ROCK1: variants seen among roughly 807,000 people sequenced by gnomAD.
ROCK1 encodes the protein Rho associated coiled-coil containing protein kinase 1.
In ROCK1, 36 loss-of-function variants were observed where a neutral mutation model predicts 196.8. The observed-to-expected ratio is 0.18, with a 90% CI of 0.14 to 0.24. ROCK1 has a LOEUF of 0.24. Ranked by LOEUF, ROCK1 falls within the 10% of genes least tolerant of loss-of-function variation. ROCK1 has a pLI of 1.00. For synonymous variants in ROCK1, 443 were observed against 515.9 expected, an observed-to-expected ratio of 0.86 and a Z score of 1.91; for missense variants, 920 against 1,562.0, an observed-to-expected ratio of 0.59 and a Z score of 6.93.
intron 13 of ROCK1, among the ~76,000 whole-genome samples, chr18:21,014,252 G>A (rs778664218): frequency 3.3e-5 from 5 of 152,028 alleles, no homozygotes; most frequent in South Asian, 2.1e-4. Context: ...TGGCTTCTCC[G>A]GCACCCCGTC....
At chr18:21,085,923 T>C (rs2036522748) in intron 1 of ROCK1, among the ~76,000 whole-genome samples, 1 of 152,178 alleles carries the variant, frequency 6.6e-6, no homozygotes, top group South Asian at 2.1e-4. Flanking sequence ...CTTAAAGTTT[T>C]ATAGGTATGG....
At chr18:20,969,863 C>A (rs570696977) in intron 23 of ROCK1, 2 of 152,126 alleles carry the variant, frequency 1.3e-5, no homozygotes, top group East Asian at 3.9e-4. Context: ...TCTTTTTAGT[C>A]GCATGATTCT....
intron 2 of ROCK1, among the ~76,000 whole-genome samples, chr18:21,068,946 G>A (rs764336273): frequency 5.3e-5 from 8 of 151,884 alleles, no homozygotes; most frequent in Non-Finnish European, 1.2e-4. Context: ...CAATCTGTAC[G>A]GCTTTTCTTT....
rs188053260 is a variant in ROCK1 at position 21,006,468 on chromosome 18, G to T, written c.1768C>A (p.Arg590=). The T allele has an allele frequency of 1.6e-5, 26 of 1,613,604 alleles. No homozygotes were observed. In the East Asian group the frequency reaches 2.9e-4, roughly 18 times the overall value. Residue 590 remains arginine (R), a synonymous_variant, in exon 16 of 33, where the codon CGA becomes AGA. Transcript: ENST00000399799. The part of the protein sequence containing the change: ...SLNRELQERN[R]ILENSKSQTD... ...TGTGACTTAGAATTCTCTAAAATTCGATTTCTCTCTTGCAACTCTCTGTTC... is the reference window on the plus strand; with the variant it reads ...TGTGACTTAGAATTCTCTAAAATTCTATTTCTCTCTTGCAACTCTCTGTTC...
At chr18:20,966,517 A>G (rs1598510689) in intron 27 of ROCK1, among the ~76,000 whole-genome samples, 1 of 152,328 alleles carries the variant, frequency 6.6e-6, no homozygotes, top group Non-Finnish European at 1.5e-5. Context: ...TTCTGATGAT[A>G]AAGTACAGTT....
At chr18:20,983,446 G>C (rs1163193298) in intron 20 of ROCK1, among the ~76,000 whole-genome samples, 2 of 151,910 alleles carry the variant, frequency 1.3e-5, no homozygotes, top group Non-Finnish European at 2.9e-5. Context: ...CATAGGAGCA[G>C]AGTCCAAAAG....
intron 9 of ROCK1, among the ~76,000 whole-genome samples, chr18:21,032,748 C>T (rs1598536205): frequency 6.6e-6 from 1 of 150,944 alleles, no homozygotes; most frequent in East Asian, 2.0e-4. Flanking sequence ...TCTCGAACTC[C>T]TGGCCTCAAG....
At chr18:20,985,951 G>A (rs978937637) in intron 19 of ROCK1, among the ~76,000 whole-genome samples, 1 of 152,082 alleles carries the variant, frequency 6.6e-6, no homozygotes, top group South Asian at 2.1e-4. Flanking sequence ...TCGACCTCCT[G>A]AGGTGCAAGG....
In ROCK1 at chr18:21,047,239, T is replaced by C. The variant is rs409223; in HGVS notation, c.415-1772A>G. Among the ~76,000 whole-genome samples, 1,135 of 152,270 alleles carry C rather than the reference T, an allele frequency of 7.5e-3. 18 individuals are homozygous for C. The highest frequency in any genetic ancestry group is 0.025 in the African/African-American group (1,056 of 41,538). ...TTCACTAACAGACACTGAACGTTCA[T>C]GTATCAGTGGTTGTTAACTAGTGGT... On this transcript the variant is annotated intron_variant, in intron 4 of 32. Coordinates refer to ENST00000399799, the MANE Select transcript of ROCK1 (RefSeq NM_005406.3).
At chr18:21,090,506 T>A (rs770383731) in intron 1 of ROCK1, among the ~76,000 whole-genome samples, 12 of 152,206 alleles carry the variant, frequency 7.9e-5, no homozygotes, top group Non-Finnish European at 1.5e-4. Context: ...CAACACATTA[T>A]TGGCTTTTGG....
At chr18:21,062,876 T>C (rs2036303467) in intron 2 of ROCK1, among the ~76,000 whole-genome samples, 2 of 152,126 alleles carry the variant, frequency 1.3e-5, no homozygotes, top group African/African-American at 4.8e-5. Flanking sequence ...ACTGAGCTCA[T>C]ATATAACAAG....
chr18:21,095,590 T>C (rs530001540), intron 1 of ROCK1, among the ~76,000 whole-genome samples: 66 of 152,194 alleles, frequency 4.3e-4, no homozygotes, highest in Non-Finnish European at 7.8e-4. Flanking sequence ...TTAAGTGAAA[T>C]AAGCCAGACA....
chr18:21,025,679 T>G (rs1426066028), intron 10 of ROCK1, among the ~76,000 whole-genome samples: 4 of 152,178 alleles, frequency 2.6e-5, no homozygotes, highest in African/African-American at 9.7e-5. Context: ...GAGATTGCAG[T>G]GAGCCAAGAT....
chr18:20,997,047 C>T (rs1172435648), intron 16 of ROCK1, among the ~76,000 whole-genome samples: 15 of 151,892 alleles, frequency 9.9e-5, no homozygotes, highest in Non-Finnish European at 5.9e-5. Context: ...GAAGAGAAGA[C>T]CACAAAACAA....
At chr18:20,959,264 TGCAGTGGC>T (rs1164419568) in intron 29 of ROCK1, among the ~76,000 whole-genome samples, 1 of 122,470 alleles carries the variant, frequency 8.2e-6, no homozygotes, top group Non-Finnish European at 1.7e-5. Context: ...CAGGCTGGAG[TGCAGTGGC>T]GCAATCTAGG....
chr18:21,089,154 G>A (rs2036550253), intron 1 of ROCK1, among the ~76,000 whole-genome samples: 3 of 151,932 alleles, frequency 2.0e-5, no homozygotes, highest in Admixed American at 6.6e-5. Flanking sequence ...AGTTCCCCTG[G>A]TTCAAGAAAT....
At chr18:20,999,320 A>G (rs2143423372) in intron 16 of ROCK1, among the ~76,000 whole-genome samples, 1 of 152,318 alleles carries the variant, frequency 6.6e-6, no homozygotes, top group South Asian at 2.1e-4. Flanking sequence ...AAATAAATTA[A>G]TGGGCAAGAT....
chr18:21,034,287 C>A lies in ROCK1; in HGVS notation c.1051+5185G>T, dbSNP rs73433114. On this transcript the variant is annotated intron_variant, in intron 9 of 32. Transcript: ENST00000399799. ...ATCCCTATGTCCTTTTTGGCAAAGACGTAAAAACCCATTATAAAATTCATA... is the reference window on the plus strand; with the variant it reads ...ATCCCTATGTCCTTTTTGGCAAAGAAGTAAAAACCCATTATAAAATTCATA... Among the ~76,000 whole-genome samples the A allele has an allele frequency of 6.5e-3, 993 of 152,084 alleles. 13 individuals are homozygous for A. Among genetic ancestry groups the A allele is most frequent in the African/African-American group, 0.023 (953 of 41,498 alleles).
intron 29 of ROCK1, among the ~76,000 whole-genome samples, chr18:20,959,148 A>AT (rs1491530765): frequency 0.01 from 690 of 67,654 alleles, 46 homozygotes; most frequent in African/African-American, 0.052. Context: ...ATTATATAAA[A>AT]TATATATATT....
Sources: gnomAD v4.1 joint callset for allele counts (sites outside exome capture counted in the v4.1 genomes callset) on GRCh38, gnomAD v4.1.1 for gene constraint, MANE v1.5 for transcripts, NCBI Gene and HGNC (gene_info 2026-07-23, HGNC 2026-07-21) for gene names.